NKAIN3: variants seen among roughly 807,000 people sequenced by gnomAD.
The protein encoded by NKAIN3 is sodium/potassium-transporting ATPase subunit beta-1-interacting protein 3.
NKAIN3 carries 25 observed loss-of-function variants against 30.2 expected under a neutral mutation model. The observed-to-expected ratio is 0.83, with a 90% CI of 0.60 to 1.16. The LOEUF (loss-of-function observed/expected upper bound fraction) is 1.16, where lower values mean the gene tolerates loss of function less well. Among genes scored for constraint, NKAIN3 ranks in the 50% most tolerant of loss-of-function variants. NKAIN3 has a pLI of 0.00. For missense variants in NKAIN3, 225 were observed against 254.1 expected, an observed-to-expected ratio of 0.89 and a Z score of 0.78; for synonymous variants, 91 against 89.6, an observed-to-expected ratio of 1.02 and a Z score of -0.09.
At chr8:62,649,397 C>T (rs867644189) in intron 3 of NKAIN3, among the ~76,000 whole-genome samples, 2 of 152,070 alleles carry the variant, frequency 1.3e-5, no homozygotes, top group African/African-American at 4.8e-5. Context: ...GCCAAACAGG[C>T]CAATGGGACT....
chr8:62,726,433 T>C lies in NKAIN3; in HGVS notation c.274-20499T>C, dbSNP rs145482546. On this transcript the variant is annotated intron_variant, in intron 3 of 6. Coordinates refer to ENST00000623646, the MANE Select transcript of NKAIN3 (RefSeq NM_001304533.3). ...TAGTATAATACTAGCTGTGAGTCTG[T>C]ATTATATGGCTTTTCTTAACGTTGA... is the stretch of plus-strand genomic sequence containing the variant. Among the ~76,000 whole-genome samples, 145 of 152,214 alleles carry C rather than the reference T, an allele frequency of 9.5e-4. 1 individual carries two copies. The highest frequency in any genetic ancestry group is 3.1e-3 in the African/African-American group (130 of 41,580).
At chr8:62,765,246 CAAA>C (rs34477671) in intron 4 of NKAIN3, among the ~76,000 whole-genome samples, 232 of 42,514 alleles carry the variant, frequency 5.5e-3, no homozygotes, top group Non-Finnish European at 7.5e-3. Context: ...GACTCCATCT[CAAA>C]AAAAAAAAAA....
At chr8:62,749,424 C>G (rs1816195645) in intron 4 of NKAIN3, among the ~76,000 whole-genome samples, 1 of 152,184 alleles carries the variant, frequency 6.6e-6, no homozygotes. Flanking sequence ...CCACCCTGCA[C>G]ATATAGCTCT....
chr8:62,575,716 A>G (rs1585966775), intron 1 of NKAIN3, among the ~76,000 whole-genome samples: 1 of 152,194 alleles, frequency 6.6e-6, no homozygotes, highest in Non-Finnish European at 1.5e-5. Context: ...TTCAAATTGT[A>G]CTACAGAGCT....
intron 4 of NKAIN3, among the ~76,000 whole-genome samples, chr8:62,791,526 TTTG>T (rs1467462236): frequency 4.6e-5 from 7 of 152,258 alleles, no homozygotes; most frequent in African/African-American, 1.7e-4. Context: ...TATTGTTGAA[TTTG>T]TTTTGACTTT....
rs73684994 is a variant in NKAIN3, at chr8:62,422,251, G to A, written c.55-157288G>A. On this transcript the variant is annotated intron_variant, in intron 1 of 6. Transcript: ENST00000623646. ...AGATGATCTTAAAAGGCCTATTATG[G>A]TGAGAATTATTTCTTAATTTGATGC... 5.4e-3 allele frequency among the ~76,000 whole-genome samples: 815 copies of A among 152,116 alleles called. 6 individuals carry two copies. The highest frequency in any genetic ancestry group is 0.018 in the African/African-American group (768 of 41,518).
At chr8:62,673,055 T>G (rs1813359318) in intron 3 of NKAIN3, among the ~76,000 whole-genome samples, 1 of 152,184 alleles carries the variant, frequency 6.6e-6, no homozygotes, top group Non-Finnish European at 1.5e-5. Context: ...AAAAAGATAC[T>G]AATGTTCAAA....
chr8:62,495,070 CCTTTATTGCATGGTTATT>C (rs1393016631), intron 1 of NKAIN3, among the ~76,000 whole-genome samples: 8 of 152,042 alleles, frequency 5.3e-5, no homozygotes, highest in Admixed American at 1.3e-4. Context: ...TATCAGAGGC[CCTTTATTGCATGGTTATT>C]TCCTGTCTCT....
chr8:62,679,219 A>C (rs1813575211), intron 3 of NKAIN3, among the ~76,000 whole-genome samples: 1 of 152,234 alleles, frequency 6.6e-6, no homozygotes. Flanking sequence ...TTGAGGATTC[A>C]CTAAAAATGG....
chr8:62,853,267 A>G (rs1819966095), intron 4 of NKAIN3, among the ~76,000 whole-genome samples: 1 of 151,938 alleles, frequency 6.6e-6, no homozygotes. Context: ...TCAGAGAGTA[A>G]GATTGCAACC....
intron 1 of NKAIN3, among the ~76,000 whole-genome samples, chr8:62,487,410 C>T (rs191419423): frequency 3.9e-5 from 6 of 152,232 alleles, no homozygotes; most frequent in Admixed American, 2.0e-4. Context: ...ATATTACCCA[C>T]GGAGAGAAAG....
intron 3 of NKAIN3, among the ~76,000 whole-genome samples, chr8:62,640,629 C>T (rs185398533): frequency 6.6e-6 from 1 of 152,156 alleles, no homozygotes; most frequent in Non-Finnish European, 1.5e-5. Flanking sequence ...TTTCCTCTGC[C>T]CTGACCCATA....
chr8:62,277,203 T>C (rs1812991740), intron 1 of NKAIN3, among the ~76,000 whole-genome samples: 1 of 152,190 alleles, frequency 6.6e-6, no homozygotes, highest in Admixed American at 6.5e-5. Context: ...TTTTAATGAA[T>C]CTGTCAAAAG....
At chr8:62,959,842 G>C (rs548493941) in intron 6 of NKAIN3, among the ~76,000 whole-genome samples, 2 of 152,272 alleles carry the variant, frequency 1.3e-5, no homozygotes, top group South Asian at 4.1e-4. Context: ...TTCCTGGGCT[G>C]TCTCAAGAGC....
chr8:62,707,833 A>G (rs1330074667), intron 3 of NKAIN3, among the ~76,000 whole-genome samples: 1 of 152,080 alleles, frequency 6.6e-6, no homozygotes, highest in Non-Finnish European at 1.5e-5. Context: ...TTCCAGTGTT[A>G]TCTCCTAGAA....
rs187174842 is a variant in NKAIN3, at chr8:62,675,947, C to G, written c.274-70985C>G. Among the ~76,000 whole-genome samples, 267 of 152,284 alleles carry G rather than the reference C, an allele frequency of 1.8e-3. 1 individual carries two copies. Among genetic ancestry groups the G allele is most frequent in the Non-Finnish European group, 3.0e-3 (204 of 68,028 alleles). On this transcript the variant is annotated intron_variant, in intron 3 of 6. Transcript: ENST00000623646. ...TTTATATTTATTTAAAATACCCACC[C>G]ACAAACAATACATTCCCTGCTATTC...
At chr8:62,268,423 A>G (rs907159532) in intron 1 of NKAIN3, among the ~76,000 whole-genome samples, 8 of 152,116 alleles carry the variant, frequency 5.3e-5, no homozygotes, top group African/African-American at 1.7e-4. Context: ...AGTGTGATCT[A>G]TCCTCTGGGG....
chr8:62,534,337 G>C (rs753674), intron 1 of NKAIN3, among the ~76,000 whole-genome samples: 62,710 of 151,950 alleles, frequency 0.41, 13,032 homozygotes, highest in Middle Eastern at 0.49. Flanking sequence ...ACTGACAACA[G>C]GCATGCTCAT....
At chr8:62,706,746 C>A (rs1814533296) in intron 3 of NKAIN3, among the ~76,000 whole-genome samples, 1 of 151,816 alleles carries the variant, frequency 6.6e-6, no homozygotes, top group Non-Finnish European at 1.5e-5. Context: ...TGAGTAAGTT[C>A]TTTAGTGGTG....
Sources: gnomAD v4.1 joint callset for allele counts (sites outside exome capture counted in the v4.1 genomes callset) on GRCh38, gnomAD v4.1.1 for gene constraint, MANE v1.5 for transcripts, NCBI Gene and HGNC (gene_info 2026-07-23, HGNC 2026-07-21) for gene names.